CLINT1: variants seen among roughly 807,000 people sequenced by gnomAD.
The protein encoded by CLINT1 is clathrin interacting protein localized in the trans-Golgi region.
A neutral mutation model predicts 70.4 loss-of-function variants in CLINT1; 15 were observed. The observed-to-expected ratio is 0.21, with a 90% CI of 0.14 to 0.33. CLINT1 has a LOEUF of 0.33. Ranked by LOEUF, CLINT1 falls within the 10% of genes least tolerant of loss-of-function variation. CLINT1 has a pLI of 1.00. For missense variants in CLINT1, 615 were observed against 778.1 expected (o/e 0.79, Z 2.49); for synonymous variants, 227 against 254.7 (o/e 0.89, Z 1.04).
At chr5:157,827,993 A>G (rs1186982) in intron 1 of CLINT1, among the ~76,000 whole-genome samples, 20,491 of 152,180 alleles carry the variant, frequency 0.13, 1,806 homozygotes, top group African/African-American at 0.25. Context: ...TGGACACATC[A>G]ACCACTGTGT....
chr5:157,835,151 T>C (rs987750816), intron 1 of CLINT1, among the ~76,000 whole-genome samples: 2 of 152,222 alleles, frequency 1.3e-5, no homozygotes, highest in Admixed American at 1.3e-4. Context: ...GCTTTACACG[T>C]TGGCAATTTC....
At chr5:157,844,037 C>T (rs1310091590) in intron 1 of CLINT1, among the ~76,000 whole-genome samples, 1 of 152,004 alleles carries the variant, frequency 6.6e-6, no homozygotes, top group Non-Finnish European at 1.5e-5. Flanking sequence ...AAGAGTGATA[C>T]CATCTCTTTG....
intron 1 of CLINT1, among the ~76,000 whole-genome samples, chr5:157,838,000 A>C (rs1185255348): frequency 1.3e-5 from 2 of 152,266 alleles, no homozygotes; most frequent in East Asian, 3.9e-4. Flanking sequence ...TTAAGAACTT[A>C]ACATTTGTCC....
intron 3 of CLINT1, among the ~76,000 whole-genome samples, chr5:157,814,773 G>A (rs1762663226): frequency 6.6e-6 from 1 of 152,142 alleles, no homozygotes; most frequent in Non-Finnish European, 1.5e-5. Flanking sequence ...GCTCATGCCT[G>A]TAACCCCAGC....
intron 11 of CLINT1, among the ~76,000 whole-genome samples, chr5:157,788,347 T>G (rs1487041476): frequency 6.6e-6 from 1 of 151,332 alleles, no homozygotes; most frequent in African/African-American, 2.4e-5. Flanking sequence ...ACTTATTCTA[T>G]TTTTAGAACA....
chr5:157,844,680 G>A (rs192348072), intron 1 of CLINT1, among the ~76,000 whole-genome samples: 5 of 152,270 alleles, frequency 3.3e-5, no homozygotes, highest in Admixed American at 3.3e-4. Flanking sequence ...AAGAAAAATT[G>A]GAAAAAGTTG....
At chr5:157,843,991 A>G (rs1753284343) in intron 1 of CLINT1, among the ~76,000 whole-genome samples, 1 of 152,202 alleles carries the variant, frequency 6.6e-6, no homozygotes, top group African/African-American at 2.4e-5. Flanking sequence ...CCTTAACAGA[A>G]TGATAAAATG....
chr5:157,844,598 G>A (rs1247852503), intron 1 of CLINT1, among the ~76,000 whole-genome samples: 1 of 152,142 alleles, frequency 6.6e-6, no homozygotes, highest in East Asian at 1.9e-4. Context: ...TACATCCTAT[G>A]CCAGAAATAT....
intron 2 of CLINT1, 125 bp downstream of exon 2, chr5:157,817,318 T>C: frequency 1.6e-6 from 1 of 633,678 alleles, no homozygotes; most frequent in Non-Finnish European, 2.8e-6. Flanking sequence ...TACATTACTA[T>C]CTGAATGATT....
chr5:157,839,736 T>TATCTA (rs1763562238), intron 1 of CLINT1, among the ~76,000 whole-genome samples: 1 of 116,584 alleles, frequency 8.6e-6, no homozygotes, highest in South Asian at 2.9e-4. Flanking sequence ...TCTATCTATC[T>TATCTA]ATCTATCTAT....
intron 1 of CLINT1, among the ~76,000 whole-genome samples, chr5:157,826,351 T>G (rs1365369977): frequency 6.6e-6 from 1 of 152,166 alleles, no homozygotes; most frequent in East Asian, 1.9e-4. Context: ...CTTCATAAAT[T>G]TACTGATTCT....
chr5:157,803,325 G>A (rs753923717), intron 8 of CLINT1, among the ~76,000 whole-genome samples: 2 of 152,146 alleles, frequency 1.3e-5, no homozygotes, highest in Non-Finnish European at 2.9e-5. Flanking sequence ...CAGTACATCA[G>A]GTATGAGGAG....
At chr5:157,820,880 A>G (rs141179069) in intron 1 of CLINT1, among the ~76,000 whole-genome samples, 1 of 152,200 alleles carries the variant, frequency 6.6e-6, no homozygotes, top group African/African-American at 2.4e-5. Context: ...CACACACAAC[A>G]ATCCAGACAA....
chr5:157,851,155 C>A (rs939391451), intron 1 of CLINT1, among the ~76,000 whole-genome samples: 1 of 148,472 alleles, frequency 6.7e-6, no homozygotes, highest in Non-Finnish European at 1.5e-5. Context: ...AACAAACAAA[C>A]AAAAAACCCG....
chr5:157,838,855 T>A (rs1319462359), intron 1 of CLINT1, among the ~76,000 whole-genome samples: 3 of 152,226 alleles, frequency 2.0e-5, no homozygotes, highest in African/African-American at 4.8e-5. Flanking sequence ...TAACTCATTT[T>A]AAAAAAACAA....
chr5:157,809,781 T>A lies in CLINT1; in HGVS notation c.542A>T (p.Lys181Ile). 6.2e-7 allele frequency: 1 copy of A among 1,613,064 alleles called. No individual in the cohort carries two copies. The highest frequency in any genetic ancestry group is 8.5e-7 in the Non-Finnish European group (1 of 1,179,444). The change falls in exon 6 of 12, where the codon AAA becomes ATA. Residue 181 changes from lysine to isoleucine, a missense_variant. Lys to Ile is a moderately radical substitution (Grantham distance 102, BLOSUM62 -3). This residue lies in a region of CLINT1 where 241 missense variants were observed against 368.6 expected (regional missense o/e 0.65). Transcript: ENST00000411809. Reference sequence around the variant, plus strand: ...ATCCCACTCCTCATCCCATTTTGATTTGGGCTCAGGATCATATCTTTCACC... The same window carrying A: ...ATCCCACTCCTCATCCCATTTTGATATGGGCTCAGGATCATATCTTTCACC... ...RYSERYDPEP[K>I]SKWDEEWDKN...
At chr5:157,825,539 C>T (rs548823504) in intron 1 of CLINT1, among the ~76,000 whole-genome samples, 1 of 152,112 alleles carries the variant, frequency 6.6e-6, no homozygotes, top group Non-Finnish European at 1.5e-5. Flanking sequence ...AAGTTAGTTA[C>T]TATAACTGAG....
chr5:157,830,883 C>T (rs1181233876), intron 1 of CLINT1, among the ~76,000 whole-genome samples: 2 of 147,738 alleles, frequency 1.4e-5, no homozygotes, highest in Middle Eastern at 3.3e-3. Flanking sequence ...TAAAAATTAG[C>T]CAGGCGTGGT....
intron 6 of CLINT1, 96 bp downstream of exon 6, chr5:157,809,532 T>G: frequency 9.9e-7 from 1 of 1,012,030 alleles, no homozygotes. Flanking sequence ...TCAGATAATG[T>G]TAATACCCCA....
Sources: gnomAD v4.1 joint callset for allele counts (sites outside exome capture counted in the v4.1 genomes callset) on GRCh38, gnomAD v4.1.1 for gene constraint, gnomAD v4.1.1 regional missense constraint, MANE v1.5 for transcripts, NCBI Gene and HGNC (gene_info 2026-07-23, HGNC 2026-07-21) for gene names.